The following FAM234B variants were observed in gnomAD, a reference collection of about 807,000 sequenced individuals.
FAM234B encodes family with sequence similarity 234 member B, also known as protein FAM234B.
In FAM234B, 33 loss-of-function variants were observed where a neutral mutation model predicts 69.3. The observed-to-expected ratio is 0.48, with a 90% CI of 0.36 to 0.64. FAM234B has a LOEUF of 0.64. Ranked by LOEUF, FAM234B falls within the 30% of genes least tolerant of loss-of-function variation. FAM234B has a pLI of 0.00. For missense variants in FAM234B, 697 were observed against 769.7 expected (o/e 0.91, Z 1.12); for synonymous variants, 306 against 306.9 (o/e 1.00, Z 0.03).
At chr12:13,059,117 GAGCAC>G (rs1353548094) in intron 3 of FAM234B, among the ~76,000 whole-genome samples, 1 of 152,178 alleles carries the variant, frequency 6.6e-6, no homozygotes, top group African/African-American at 2.4e-5. Flanking sequence ...TTTCAATGGG[GAGCAC>G]AGCTCAGGAA....
chr12:13,067,364 A>G lies in FAM234B; in HGVS notation c.1142+68A>G. On this transcript the variant is annotated intron_variant, in intron 7 of 12. Transcript: ENST00000197268. The surrounding 1 kb of genome is among the most constrained non-coding windows in gnomAD (Gnocchi z 4.7). ...GAACTCACATGCCTTTGAGTCTCTA[A>G]GTTTGGTTGGGCTGGTGAATATGTG... 6.4e-7 allele frequency: 1 copy of G among 1,570,650 alleles called. No homozygotes were observed. Among genetic ancestry groups the G allele is most frequent in the South Asian group, 1.1e-5 (1 of 89,208 alleles).
chr12:13,080,107 C>T, intron 12 of FAM234B, 98 bp downstream of exon 12: 2 of 858,464 alleles, frequency 2.3e-6, no homozygotes, highest in Non-Finnish European at 3.6e-6. Context: ...GGGGAACTTT[C>T]TTGAGTAGAT....
intron 1 of FAM234B, among the ~76,000 whole-genome samples, chr12:13,047,374 A>C (rs768216785): frequency 2.9e-4 from 44 of 152,180 alleles, no homozygotes; most frequent in Non-Finnish European, 5.6e-4. Context: ...TGTGTAACTT[A>C]GTCTTTATAT....
At chr12:13,070,229 G>C (rs1865091151) in intron 9 of FAM234B, among the ~76,000 whole-genome samples, 1 of 147,152 alleles carries the variant, frequency 6.8e-6, no homozygotes, top group Non-Finnish European at 1.5e-5. Flanking sequence ...ATATGTGTTT[G>C]AGTGGATAGA....
chr12:13,060,306 T>A lies in FAM234B; in HGVS notation c.533-1269T>A, dbSNP rs111942170. On this transcript the variant is annotated intron_variant, in intron 3 of 12. Transcript: ENST00000197268. ...ATTGAGTTTTTTGTCTATTCACTTG[T>A]TCCTTCATTCAGCAACTGTGTGTTG... Among the ~76,000 whole-genome samples, 1,366 of 152,334 alleles carry A rather than the reference T, an allele frequency of 9.0e-3. 27 individuals are homozygous for A. The highest frequency in any genetic ancestry group is 0.032 in the African/African-American group (1,311 of 41,566).
At chr12:13,080,217 A>G (rs1314000339) in intron 12 of FAM234B, among the ~76,000 whole-genome samples, 2 of 152,146 alleles carry the variant, frequency 1.3e-5, no homozygotes, top group African/African-American at 2.4e-5. Flanking sequence ...AAATAATAGC[A>G]TCTTCCTTAG....
chr12:13,046,803 TG>T (rs1272454276), intron 1 of FAM234B, among the ~76,000 whole-genome samples: 1 of 152,102 alleles, frequency 6.6e-6, no homozygotes, highest in African/African-American at 2.4e-5. Context: ...CAGGTTGGAG[TG>T]GTGGCTGAGA....
At position 13,068,641 on chromosome 12, in the gene FAM234B, C is replaced by A. The variant is rs746335872; in HGVS notation, c.1298C>A (p.Pro433His). The change falls in exon 9 of 13, where the codon CCT (proline) becomes CAT (histidine). Residue 433 changes from proline (P) to histidine (H), a missense_variant. By Grantham distance (77) the Pro-to-His change is moderately conservative. Coordinates refer to ENST00000197268, the MANE Select transcript of FAM234B (RefSeq NM_020853.2). ...GTCCTTATTTGCAGCCAGCCTACTC[C>A]TGGATATTTCACTGATGATCAGACA... The part of the protein sequence containing the change: ...RLQGLRSQPT[P>H]GYFTDDQTLD... 1.9e-6 allele frequency: 3 copies of A among 1,612,316 alleles called. No homozygotes were observed. The highest frequency in any genetic ancestry group is 2.5e-6 in the Non-Finnish European group (3 of 1,178,540).
At chr12:13,073,194 T>G (rs961678524) in intron 10 of FAM234B, among the ~76,000 whole-genome samples, 2 of 151,806 alleles carry the variant, frequency 1.3e-5, no homozygotes, top group Admixed American at 6.6e-5. Flanking sequence ...GGGGTCTTGC[T>G]GTATTGCCCA....
Position 13,076,030 on chromosome 12 carries a change from T to C in FAM234B, c.1529T>C (p.Ile510Thr), listed in dbSNP as rs1339719268. The C allele has an allele frequency of 2.0e-5, 32 of 1,611,334 alleles. No homozygotes were observed. Among genetic ancestry groups the C allele is most frequent in the Non-Finnish European group, 2.6e-5 (31 of 1,177,624 alleles). The change falls in exon 11 of 13, where the codon ATC becomes ACC. Residue 510 changes from isoleucine (I) to threonine (T), a missense_variant. This residue lies in a region of FAM234B where 313 missense variants were observed against 305.5 expected (regional missense o/e 1.02). Coordinates refer to ENST00000197268, the MANE Select transcript of FAM234B (RefSeq NM_020853.2). ...GLSAASPNSD[I>T]ILGTEPPSLH... ...CTTTTTGCTGCTTATTATCAGGATA[T>C]CATCCTAGGAACTGAGCCGCCCAGC...
At chr12:13,058,918 T>C (rs1259457335) in intron 3 of FAM234B, among the ~76,000 whole-genome samples, 1 of 152,256 alleles carries the variant, frequency 6.6e-6, no homozygotes, top group Non-Finnish European at 1.5e-5. Context: ...GACTTTATGC[T>C]ACCCTCCTAT....
At chr12:13,068,536 T>A in intron 8 of FAM234B, 89 bp downstream of exon 8, 1 of 1,587,562 alleles carries the variant, frequency 6.3e-7, no homozygotes, top group East Asian at 2.2e-5. Context: ...GCAATTCTTA[T>A]ATCTGGGGCC....
Position 13,055,650 on chromosome 12 carries a change from G to A in FAM234B, c.137G>A (p.Gly46Glu). 6.2e-7 allele frequency: 1 copy of A among 1,614,204 alleles called. No homozygotes were observed. Among genetic ancestry groups the A allele is most frequent in the Non-Finnish European group, 8.5e-7 (1 of 1,180,038 alleles). ...GTGCTTAACCTGCAGAAGAATGGAG[G>A]GGTCAAAAATGGGAAGAGTCCTTTG... ...DLVLNLQKNG[G>E]VKNGKSPLGE... Residue 46 changes from glycine to glutamate, a missense_variant, in exon 2 of 13, where the codon GGG (glycine) becomes GAG (glutamate). Coordinates refer to ENST00000197268, the MANE Select transcript of FAM234B (RefSeq NM_020853.2).
chr12:13,082,312 A>G lies in FAM234B; in HGVS notation c.*1682A>G, dbSNP rs890155106. On this transcript the variant is annotated 3_prime_UTR_variant, in exon 13 of 13. Transcript: ENST00000197268. ...GTTAGTAAAAGGATTCTAGAAAATT[A>G]TGAAGTCCAGATTCAAAGGGATCTC... The G allele has an allele frequency of 2.6e-5, 4 of 152,154 alleles. No homozygotes were observed. The highest frequency in any genetic ancestry group is 9.7e-5 in the African/African-American group (4 of 41,412). The allele number at this position is 152,154 out of a possible 1,614,324, so 9.4% of individuals were successfully genotyped here.
rs575635879 is a variant in FAM234B at position 13,069,557 on chromosome 12, C to G, written c.1368+846C>G. On this transcript the variant is annotated intron_variant, in intron 9 of 12. Transcript: ENST00000197268. ...GGTGGAAAGTGCTGTTGTGGAGGTT[C>G]GCACAGGGGTCCACCGGGAACACAG... Among the ~76,000 whole-genome samples, 4 of 152,092 alleles carry G rather than the reference C, an allele frequency of 2.6e-5. No individual in the cohort carries two copies. In the South Asian group the frequency reaches 6.2e-4, roughly 24 times the overall value.
chr12:13,075,958 A>T, intron 10 of FAM234B, 68 bp from the exon 11 acceptor site: 1 of 1,108,088 alleles, frequency 9.0e-7, no homozygotes, highest in Non-Finnish European at 1.4e-6. Flanking sequence ...CTGCCTTTTC[A>T]CCTGAGGACT....
intron 10 of FAM234B, among the ~76,000 whole-genome samples, chr12:13,073,732 C>T (rs999501156): frequency 6.6e-6 from 1 of 152,180 alleles, no homozygotes; most frequent in African/African-American, 2.4e-5. Flanking sequence ...ATTTTTCAAC[C>T]AGAATTACGT....
chr12:13,045,513 TC>T (rs1373230585), intron 1 of FAM234B, among the ~76,000 whole-genome samples: 1 of 152,214 alleles, frequency 6.6e-6, no homozygotes. Flanking sequence ...GTCCTTGTTC[TC>T]AAGGAGCTTC....
chr12:13,058,870 C>G (rs763546312), intron 3 of FAM234B, among the ~76,000 whole-genome samples: 6 of 152,314 alleles, frequency 3.9e-5, no homozygotes, highest in Non-Finnish European at 8.8e-5. Flanking sequence ...TGGGTTTTCT[C>G]CTGGTTTTCC....
Sources: gnomAD v4.1 joint callset for allele counts (sites outside exome capture counted in the v4.1 genomes callset) on GRCh38, gnomAD v4.1.1 for gene constraint, gnomAD v4.1.1 regional missense constraint, Gnocchi (gnomAD v3.1) non-coding constraint, MANE v1.5 for transcripts, NCBI Gene and HGNC (gene_info 2026-07-23, HGNC 2026-07-21) for gene names.